Variants in ATP8B4 observed in about 807,000 individuals in gnomAD.
ATP8B4 encodes the protein ATPase phospholipid transporting 8B4 (putative).
A neutral mutation model predicts 145.6 loss-of-function variants in ATP8B4; 133 were observed. The observed-to-expected ratio is 0.91, with a 90% CI of 0.79 to 1.05. The LOEUF (loss-of-function observed/expected upper bound fraction) is 1.05. ATP8B4 is among the 50% of genes least tolerant of loss of function. ATP8B4 has a pLI of 0.00. For missense variants in ATP8B4, 1,458 were observed against 1,425.2 expected, an observed-to-expected ratio of 1.02 and a Z score of -0.37; for synonymous variants, 507 against 492.9, an observed-to-expected ratio of 1.03 and a Z score of -0.38.
chr15:49,891,958 A>G (rs544060562), intron 23 of ATP8B4, among the ~76,000 whole-genome samples: 2 of 152,236 alleles, frequency 1.3e-5, no homozygotes, highest in South Asian at 4.2e-4. Context: ...TACTAAAAAA[A>G]CACAAAAATT....
At position 49,876,265 on chromosome 15, in the gene ATP8B4, C is replaced by T. The variant is rs370362647; in HGVS notation, c.3027+13G>A. 2.0e-5 allele frequency: 33 copies of T among 1,612,146 alleles called. No homozygotes were observed. Among genetic ancestry groups the T allele is most frequent in the Non-Finnish European group, 2.5e-5 (30 of 1,178,870 alleles). ...AACCCATCAAGTTAAGGTGCTTACA[C>T]CGACAGCGTTACCTGCACACTGACC... On this transcript the variant is annotated intron_variant, in intron 25 of 27. Coordinates refer to ENST00000284509, the MANE Select transcript of ATP8B4 (RefSeq NM_024837.4).
chr15:50,022,328 G>A (rs984993145), intron 6 of ATP8B4, among the ~76,000 whole-genome samples: 1 of 152,096 alleles, frequency 6.6e-6, no homozygotes, highest in African/African-American at 2.4e-5. Context: ...TTCCGTTGAG[G>A]TCCATCAACA....
intron 20 of ATP8B4, among the ~76,000 whole-genome samples, chr15:49,912,421 G>A (rs1317597930): frequency 6.6e-6 from 1 of 152,076 alleles, no homozygotes; most frequent in Non-Finnish European, 1.5e-5. Context: ...AAAACCTAGA[G>A]GAAATGGATA....
At chr15:50,169,563 C>A (rs547147978) in intron 1 of ATP8B4, among the ~76,000 whole-genome samples, 85 of 152,320 alleles carry the variant, frequency 5.6e-4, no homozygotes, top group South Asian at 1.7e-3. Flanking sequence ...TCTGACAGAG[C>A]CTACCCAAAT....
At chr15:50,139,272 T>A (rs1179428535) in intron 1 of ATP8B4, among the ~76,000 whole-genome samples, 1 of 152,186 alleles carries the variant, frequency 6.6e-6, no homozygotes, top group East Asian at 1.9e-4. Flanking sequence ...AAGAATGAGT[T>A]CATGTCCTTT....
intron 15 of ATP8B4, 87 bp from the exon 16 acceptor site, chr15:49,931,394 C>T (rs2041241906): frequency 2.4e-6 from 3 of 1,266,184 alleles, no homozygotes; most frequent in Non-Finnish European, 2.2e-6. Flanking sequence ...CAGTATTTAA[C>T]ACCCAACTCA....
intron 7 of ATP8B4, among the ~76,000 whole-genome samples, chr15:50,006,489 CAAA>C (rs750033683): frequency 4.8e-4 from 23 of 47,840 alleles, no homozygotes; most frequent in African/African-American, 1.7e-3. Flanking sequence ...ATGAGACCAC[CAAA>C]AAAAAAAAAA....
intron 20 of ATP8B4, 26 bp downstream of exon 20, chr15:49,916,908 C>T: frequency 8.1e-6 from 13 of 1,598,240 alleles, no homozygotes; most frequent in Non-Finnish European, 1.0e-5. Context: ...GTCCTTCCAT[C>T]CTTTCCTCCT....
chr15:50,007,430 T>C (rs1486502887), intron 7 of ATP8B4, among the ~76,000 whole-genome samples: 2 of 152,206 alleles, frequency 1.3e-5, no homozygotes, highest in African/African-American at 4.8e-5. Context: ...TGCATAGACT[T>C]AACTCCTGAA....
chr15:50,175,332 A>G lies in ATP8B4; in HGVS notation c.-43+6929T>C. On this transcript the variant is annotated intron_variant, in intron 1 of 3. Coordinates refer to the ATP8B4 transcript ENST00000558829. ...AACTAAAGAGCTTTTGCAAAGCAAAAGGAACAGCAGAGTAAATAGACAATC... is the reference window on the plus strand; with the variant it reads ...AACTAAAGAGCTTTTGCAAAGCAAAGGGAACAGCAGAGTAAATAGACAATC... 1.3e-5 allele frequency among the ~76,000 whole-genome samples: 2 copies of G among 152,226 alleles called. 1 individual carries two copies. The highest frequency in any genetic ancestry group is 1.3e-4 in the Admixed American group (2 of 15,290).
chr15:50,077,400 A>T (rs908561135), intron 2 of ATP8B4, among the ~76,000 whole-genome samples: 1 of 152,230 alleles, frequency 6.6e-6, no homozygotes, highest in African/African-American at 2.4e-5. Context: ...GAGGTTCATA[A>T]ATTTTGAAGA....
intron 1 of ATP8B4, among the ~76,000 whole-genome samples, chr15:50,171,215 T>C (rs2044669677): frequency 6.6e-6 from 1 of 152,122 alleles, no homozygotes; most frequent in Non-Finnish European, 1.5e-5. Flanking sequence ...ACTTAACAGA[T>C]ATATACAGAA....
At position 50,094,574 on chromosome 15, in the gene ATP8B4, G is replaced by A. The variant is rs532358183; in HGVS notation, c.28+12365C>T. On this transcript the variant is annotated intron_variant, in intron 2 of 27. Transcript: ENST00000284509. The stretch of plus-strand genomic sequence containing the variant: ...TATACACCTATATACAAATATAGGT[G>A]TATATACACATATATACAAATATAC... Among the ~76,000 whole-genome samples, 21 of 147,472 alleles carry A rather than the reference G, an allele frequency of 1.4e-4. No homozygotes were observed. In the South Asian group the frequency reaches 3.8e-3, roughly 27 times the overall value.
At chr15:49,898,586 C>G (rs754248560) in intron 21 of ATP8B4, among the ~76,000 whole-genome samples, 3 of 152,126 alleles carry the variant, frequency 2.0e-5, no homozygotes, top group Non-Finnish European at 4.4e-5. Context: ...TTGATGAAAA[C>G]AAAAGACAGA....
chr15:50,062,562 A>G lies in ATP8B4; in HGVS notation c.87+11565T>C, dbSNP rs537217598. On this transcript the variant is annotated intron_variant, in intron 3 of 27. Transcript: ENST00000284509. ...ATAAACCCAATTGGAAAAAATACAA[A>G]ATAATATATGAGAGGAAGACAATTC... Among the ~76,000 whole-genome samples, 3 of 152,292 alleles carry G rather than the reference A, an allele frequency of 2.0e-5. No homozygotes were observed. The East Asian group carries it at 5.8e-4, about 29-fold the overall frequency.
chr15:49,947,248 T>C (rs1165926452), intron 14 of ATP8B4, among the ~76,000 whole-genome samples: 1 of 151,938 alleles, frequency 6.6e-6, no homozygotes, highest in Non-Finnish European at 1.5e-5. Flanking sequence ...CTGGCCAACA[T>C]GGTGAAACCC....
At chr15:50,152,170 A>G (rs1227956908) in intron 1 of ATP8B4, among the ~76,000 whole-genome samples, 2 of 152,120 alleles carry the variant, frequency 1.3e-5, no homozygotes, top group African/African-American at 2.4e-5. Context: ...TACTTTTTAG[A>G]CTCTTTTCCA....
intron 20 of ATP8B4, among the ~76,000 whole-genome samples, chr15:49,916,434 C>G (rs2039746594): frequency 1.3e-5 from 2 of 152,128 alleles, no homozygotes; most frequent in South Asian, 4.1e-4. Context: ...TGCTGAAAGA[C>G]TCTATTCCAT....
chr15:50,072,364 T>C (rs1481495568), intron 3 of ATP8B4, among the ~76,000 whole-genome samples: 1 of 152,186 alleles, frequency 6.6e-6, no homozygotes, highest in Non-Finnish European at 1.5e-5. Context: ...TTTTCTATCT[T>C]AGAGCTTATA....
Sources: gnomAD v4.1 joint callset for allele counts (sites outside exome capture counted in the v4.1 genomes callset) on GRCh38, gnomAD v4.1.1 for gene constraint, MANE v1.5 for transcripts, NCBI Gene and HGNC (gene_info 2026-07-23, HGNC 2026-07-21) for gene names.